Variants in PTPRD observed in about 807,000 individuals in gnomAD.
The protein encoded by PTPRD is protein tyrosine phosphatase receptor type D, also known as receptor-type tyrosine-protein phosphatase delta.
A neutral mutation model predicts 214.5 loss-of-function variants in PTPRD; 34 were observed. The observed-to-expected ratio is 0.16, with a 90% CI of 0.12 to 0.21. PTPRD has a LOEUF of 0.21. PTPRD is among the 10% of genes least tolerant of loss of function. The pLI, the probability that PTPRD is intolerant of heterozygous loss-of-function variation, is 1.00. For synonymous variants in PTPRD, 1,128 were observed against 845.7 expected, an observed-to-expected ratio of 1.33 and a Z score of -5.79; for missense variants, 2,545 against 2,398.7, an observed-to-expected ratio of 1.06 and a Z score of -1.27.
chr9:9,445,498 A>G (rs2090069756), intron 8 of PTPRD, among the ~76,000 whole-genome samples: 1 of 152,166 alleles, frequency 6.6e-6, no homozygotes, highest in South Asian at 2.1e-4. Context: ...AAAGAGGTTT[A>G]ATTGACTCAT....
intron 2 of PTPRD, among the ~76,000 whole-genome samples, chr9:10,496,706 G>C (rs145315660): frequency 1.7e-3 from 254 of 152,108 alleles, no homozygotes; most frequent in African/African-American, 5.3e-3. Flanking sequence ...CTGATAATTA[G>C]TGATGTTGAG....
At chr9:9,229,697 A>C (rs947695280) in intron 9 of PTPRD, among the ~76,000 whole-genome samples, 1 of 151,774 alleles carries the variant, frequency 6.6e-6, no homozygotes, top group African/African-American at 2.4e-5. Flanking sequence ...CTGGGCTGAC[A>C]AAAAAATACA....
intron 4 of PTPRD, among the ~76,000 whole-genome samples, chr9:10,023,283 T>C (rs987182733): frequency 4.6e-4 from 70 of 152,286 alleles, no homozygotes; most frequent in African/African-American, 1.7e-3. Flanking sequence ...TCTTCAAACT[T>C]TTCTAATAAT....
chr9:9,491,677 T>A (rs1191624322), intron 8 of PTPRD, among the ~76,000 whole-genome samples: 1 of 151,964 alleles, frequency 6.6e-6, no homozygotes, highest in African/African-American at 2.4e-5. Context: ...TAACACACTC[T>A]TAACTAATGG....
At chr9:9,842,444 T>G (rs1230300604) in intron 5 of PTPRD, among the ~76,000 whole-genome samples, 1 of 151,588 alleles carries the variant, frequency 6.6e-6, no homozygotes, top group Admixed American at 6.6e-5. Context: ...TGATAGCTAT[T>G]AACCAAAGCT....
intron 3 of PTPRD, among the ~76,000 whole-genome samples, chr9:10,330,706 C>T (rs546061697): frequency 6.6e-6 from 1 of 151,898 alleles, no homozygotes; most frequent in Admixed American, 6.6e-5. Flanking sequence ...GTAATGTTTA[C>T]TCTCCAAAGG....
chr9:9,443,662 C>G (rs1588576121), intron 8 of PTPRD, among the ~76,000 whole-genome samples: 2 of 152,038 alleles, frequency 1.3e-5, no homozygotes, highest in Non-Finnish European at 2.9e-5. Context: ...CTCAGCTGAC[C>G]CAGCCCTCTA....
chr9:9,920,145 T>G (rs571280447), intron 5 of PTPRD, among the ~76,000 whole-genome samples: 1 of 152,246 alleles, frequency 6.6e-6, no homozygotes, highest in African/African-American at 2.4e-5. Context: ...GGTTTGTGTC[T>G]TCCAAAACAG....
intron 2 of PTPRD, among the ~76,000 whole-genome samples, chr9:10,551,630 T>C (rs1041035313): frequency 1.3e-5 from 2 of 152,148 alleles, no homozygotes; most frequent in African/African-American, 4.8e-5. Context: ...TGCCAGTACC[T>C]TGATTTTGAA....
chr9:9,114,452 G>A (rs919469941), intron 10 of PTPRD, among the ~76,000 whole-genome samples: 1 of 152,154 alleles, frequency 6.6e-6, no homozygotes, highest in Non-Finnish European at 1.5e-5. Flanking sequence ...ATTTGGTCCT[G>A]TAGGTGGGCA....
At chr9:8,467,568 T>C (rs1156799325) in intron 31 of PTPRD, among the ~76,000 whole-genome samples, 1 of 151,796 alleles carries the variant, frequency 6.6e-6, no homozygotes, top group East Asian at 1.9e-4. Context: ...ACTCAATTAC[T>C]GAAATAAAAT....
At chr9:10,494,547 T>A (rs2041431784) in intron 2 of PTPRD, among the ~76,000 whole-genome samples, 1 of 151,370 alleles carries the variant, frequency 6.6e-6, no homozygotes, top group Non-Finnish European at 1.5e-5. Flanking sequence ...TGGTTTAAAT[T>A]CCAGCATTAT....
At chr9:9,845,705 TCAGCAAGAGGA>T in intron 5 of PTPRD, among the ~76,000 whole-genome samples, 1 of 152,142 alleles carries the variant, frequency 6.6e-6, no homozygotes, top group Non-Finnish European at 1.5e-5. Context: ...AAAAAAGTCC[TCAGCAAGAGGA>T]CGTGAAATCA....
chr9:8,402,866 T>C (rs1195884812), intron 36 of PTPRD, among the ~76,000 whole-genome samples: 17 of 152,140 alleles, frequency 1.1e-4, no homozygotes, highest in Admixed American at 1.1e-3. Context: ...TTTAAATAAT[T>C]GTTTTCAGTG....
intron 20 of PTPRD, among the ~76,000 whole-genome samples, chr9:8,519,170 A>C (rs1226936555): frequency 6.6e-6 from 1 of 152,190 alleles, no homozygotes; most frequent in Non-Finnish European, 1.5e-5. Context: ...AAGGAAGTAA[A>C]TTAAGGCACA....
intron 11 of PTPRD, among the ~76,000 whole-genome samples, chr9:8,767,154 G>A (rs978393542): frequency 1.1e-4 from 16 of 151,944 alleles, no homozygotes; most frequent in Admixed American, 3.9e-4. Context: ...TTTTGCTCTT[G>A]TTGCCCAGGC....
chr9:9,018,588 T>G (rs1299205451), intron 11 of PTPRD, 109 bp downstream of exon 11: 2 of 152,238 alleles, frequency 1.3e-5, no homozygotes, highest in Non-Finnish European at 2.9e-5. Context: ...ATAATAAAAT[T>G]TCTAACAATT....
At chr9:9,062,282 A>C (rs1424938200) in intron 10 of PTPRD, among the ~76,000 whole-genome samples, 2 of 152,172 alleles carry the variant, frequency 1.3e-5, no homozygotes, top group Non-Finnish European at 2.9e-5. Context: ...AAAAATATTA[A>C]ACAGCTGATA....
chr9:10,344,984 C>A lies in PTPRD; in HGVS notation c.-599-3967G>T, dbSNP rs183467431. On this transcript the variant is annotated intron_variant, in intron 2 of 45. Transcript: ENST00000381196. ...AAAATCATATAAATCTCCTATTATACTATAATAATGTAATTTTATCTTTCT... is the reference window on the plus strand; with the variant it reads ...AAAATCATATAAATCTCCTATTATAATATAATAATGTAATTTTATCTTTCT... 7.9e-5 allele frequency among the ~76,000 whole-genome samples: 12 copies of A among 152,136 alleles called. 1 individual carries two copies. The highest frequency in any genetic ancestry group is 9.6e-5 in the African/African-American group (4 of 41,506).
Sources: allele counts gnomAD v4.1 joint callset (sites outside exome capture counted in the v4.1 genomes callset), GRCh38; gene constraint gnomAD v4.1.1; transcripts MANE v1.5; gene names NCBI Gene and HGNC (gene_info 2026-07-23, HGNC 2026-07-21).